Variants in DCBLD1 observed in about 807,000 individuals in gnomAD.
DCBLD1 encodes the protein discoidin, CUB and LCCL domain-containing protein 1.
Under a neutral mutation model 71.5 loss-of-function variants are expected in DCBLD1, and 57 were observed. The observed-to-expected ratio is 0.80, with a 90% CI of 0.64 to 0.99. The LOEUF (loss-of-function observed/expected upper bound fraction) is 0.99, where lower values mean the gene tolerates loss of function less well. Ranked by LOEUF, DCBLD1 falls within the 50% of genes least tolerant of loss-of-function variation. DCBLD1 has a pLI of 0.00. For synonymous variants in DCBLD1, 380 were observed against 363.8 expected (o/e 1.04, Z -0.51); for missense variants, 891 against 923.5 (o/e 0.96, Z 0.46).
intron 6 of DCBLD1, among the ~76,000 whole-genome samples, chr6:117,536,842 T>C (rs1485197832): frequency 1.3e-5 from 2 of 152,024 alleles, no homozygotes; most frequent in African/African-American, 4.8e-5. Context: ...TGTAAGGTTA[T>C]TCCTGAGGCT....
intron 2 of DCBLD1, among the ~76,000 whole-genome samples, chr6:117,510,610 C>T (rs1193406719): frequency 6.6e-6 from 1 of 152,148 alleles, no homozygotes; most frequent in Admixed American, 6.5e-5. Context: ...TATTTAGCAT[C>T]GTCTTACAAT....
chr6:117,499,416 GA>G (rs140943608), intron 1 of DCBLD1, among the ~76,000 whole-genome samples: 4 of 133,174 alleles, frequency 3.0e-5, no homozygotes, highest in East Asian at 2.2e-4. Flanking sequence ...AAAAGAAAAA[GA>G]AAAAAAAAAG....
At chr6:117,492,380 A>T (rs1427433612) in intron 1 of DCBLD1, among the ~76,000 whole-genome samples, 1 of 152,216 alleles carries the variant, frequency 6.6e-6, no homozygotes, top group Non-Finnish European at 1.5e-5. Context: ...TGTGTGCCCA[A>T]AGTGGGAACC....
rs545182552 is a variant in DCBLD1, at chr6:117,531,388, G to A, written c.586-872G>A. Among the ~76,000 whole-genome samples, 5 of 152,288 alleles carry A rather than the reference G, an allele frequency of 3.3e-5. No individual in the cohort carries two copies. In the South Asian group the frequency reaches 1.0e-3, roughly 32 times the overall value. ...CACTCTTCCACAGAGGTCTACACTT[G>A]GGGACCCACAGGCCTGGGCACCCCA... On this transcript the variant is annotated intron_variant, in intron 5 of 14. Coordinates refer to ENST00000338728, the MANE Select transcript of DCBLD1 (RefSeq NM_001366458.2).
intron 9 of DCBLD1, 87 bp downstream of exon 9, chr6:117,539,466 A>AT: frequency 7.1e-7 from 1 of 1,402,872 alleles, no homozygotes; most frequent in Non-Finnish European, 9.5e-7. Context: ...TAAATATCTC[A>AT]TTAATAAAAG....
At chr6:117,483,266 G>A (rs1776967100) in intron 1 of DCBLD1, among the ~76,000 whole-genome samples, 1 of 152,214 alleles carries the variant, frequency 6.6e-6, no homozygotes, top group South Asian at 2.1e-4. Flanking sequence ...CGCCTTAGGG[G>A]ACAGCCGTGT....
At chr6:117,531,036 A>G (rs890242959) in intron 5 of DCBLD1, among the ~76,000 whole-genome samples, 7 of 152,266 alleles carry the variant, frequency 4.6e-5, no homozygotes, top group South Asian at 2.1e-4. Context: ...CACTTTGCCA[A>G]ACCTAATCTA....
Position 117,549,387 on chromosome 6 carries a change from T to G in DCBLD1, c.*948T>G. On this transcript the variant is annotated 3_prime_UTR_variant, in exon 15 of 15. Transcript: ENST00000338728. ...TCTAAATCGAGCTTTTCTACTGACA[T>G]GAAACTGTTGGAAACTGATCTCATT... 1.0e-6 allele frequency: 1 copy of G among 985,462 alleles called. No individual in the cohort carries two copies. The highest frequency in any genetic ancestry group is 4.7e-5 in the South Asian group (1 of 21,286). The allele number at this position is 985,462 out of a possible 1,614,324, so 61.0% of individuals were successfully genotyped here.
Position 117,544,520 on chromosome 6 carries a change from C to T in DCBLD1, c.1446-8C>T, listed in dbSNP as rs1350712164. 2.5e-6 allele frequency: 4 copies of T among 1,612,958 alleles called. No individual in the cohort carries two copies. In the South Asian group the frequency reaches 3.3e-5, roughly 13 times the overall value. ...ATAAATATTCAGTAGGACTTTTTGT[C>T]TTGATAGGAAGAAGAAGAAAGGAAG... On this transcript the variant is annotated splice_region_variant and splice_polypyrimidine_tract_variant and intron_variant, in intron 12 of 14. Coordinates refer to ENST00000338728, the MANE Select transcript of DCBLD1 (RefSeq NM_001366458.2).
chr6:117,482,938 G>C, intron 1 of DCBLD1, 45 bp downstream of exon 1: 1 of 1,159,034 alleles, frequency 8.6e-7, no homozygotes, highest in Non-Finnish European at 1.1e-6. Flanking sequence ...GAGGCGCCAG[G>C]GGCGGGCTGA....
At position 117,536,418 on chromosome 6, in the gene DCBLD1, G is replaced by C. The variant is rs980994602; in HGVS notation, c.720-767G>C. Among the ~76,000 whole-genome samples, 4 of 152,182 alleles carry C rather than the reference G, an allele frequency of 2.6e-5. No individual in the cohort carries two copies. The South Asian group carries it at 8.3e-4, about 32-fold the overall frequency. ...TTTAAAGGTTGATCTGGTCTTCAAA[G>C]GTAGATAAGGACATTCCTGTGGCCT... is the stretch of plus-strand genomic sequence containing the variant. On this transcript the variant is annotated intron_variant, in intron 6 of 14. Transcript: ENST00000338728.
chr6:117,539,004 T>C (rs1779000072), intron 8 of DCBLD1, 169 bp downstream of exon 8: 6 of 812,866 alleles, frequency 7.4e-6, no homozygotes, highest in African/African-American at 3.5e-5. Flanking sequence ...GAAAAGAATC[T>C]GTATGCAAGT....
chr6:117,538,894 G>A (rs1288152124), intron 8 of DCBLD1, 59 bp downstream of exon 8: 27 of 1,526,328 alleles, frequency 1.8e-5, no homozygotes, highest in East Asian at 7.1e-5. Flanking sequence ...TAAATGACTC[G>A]TAGTTGAAAA....
chr6:117,530,368 G>A (rs1367191497), intron 5 of DCBLD1, among the ~76,000 whole-genome samples: 4 of 152,188 alleles, frequency 2.6e-5, no homozygotes, highest in East Asian at 3.9e-4. Context: ...CTCATAAGGA[G>A]CACACAGCCT....
chr6:117,520,959 A>G (rs1778365123), intron 3 of DCBLD1, among the ~76,000 whole-genome samples: 1 of 152,242 alleles, frequency 6.6e-6, no homozygotes, highest in African/African-American at 2.4e-5. Flanking sequence ...ATCAAGGTCC[A>G]CTGTATCTTA....
rs1778991026 is a variant in DCBLD1, at chr6:117,538,791, G to A, written c.932G>A (p.Arg311Gln). Residue 311 changes from arginine to glutamine, a missense_variant, in exon 8 of 15, where the codon CGA becomes CAA. Transcript: ENST00000338728. ...GACAGTAGCAACAACCACAAACCAC[G>A]AGAGTGGCTGGAGATCGATTTGGGG... is the stretch of plus-strand genomic sequence containing the variant. ...SGDSSNNHKP[R>Q]EWLEIDLGEK... 1.9e-5 allele frequency: 31 copies of A among 1,613,976 alleles called. No homozygotes were observed. Among genetic ancestry groups the A allele is most frequent in the Non-Finnish European group, 2.5e-5 (29 of 1,180,018 alleles).
Position 117,489,439 on chromosome 6 carries a change from A to G in DCBLD1, c.112+6546A>G, listed in dbSNP as rs545611543. On this transcript the variant is annotated intron_variant, in intron 1 of 14. Transcript: ENST00000338728. ...GATCTGGAGGGGACAAAACATCCAA[A>G]CCATATCAACAATAATTTTAGGCTA... Among the ~76,000 whole-genome samples, 40 of 152,250 alleles carry G rather than the reference A, an allele frequency of 2.6e-4. No individual in the cohort carries two copies. The South Asian group carries it at 2.9e-3, about 11-fold the overall frequency.
At chr6:117,500,958 C>G (rs1400921973) in intron 1 of DCBLD1, among the ~76,000 whole-genome samples, 1 of 151,008 alleles carries the variant, frequency 6.6e-6, no homozygotes, top group East Asian at 1.9e-4. Context: ...TAGGTTGACT[C>G]ATATAATTGC....
intron 5 of DCBLD1, among the ~76,000 whole-genome samples, chr6:117,531,987 CCAT>C (rs1388048501): frequency 2.0e-5 from 3 of 152,186 alleles, no homozygotes; most frequent in Non-Finnish European, 4.4e-5. Flanking sequence ...CTTGTGGCTG[CCAT>C]CATATGGCAG....
Sources: allele counts gnomAD v4.1 joint callset (sites outside exome capture counted in the v4.1 genomes callset), GRCh38; gene constraint gnomAD v4.1.1; transcripts MANE v1.5; gene names NCBI Gene and HGNC (gene_info 2026-07-23, HGNC 2026-07-21).